Variants in MAP3K8 observed in about 807,000 individuals in gnomAD.
The protein encoded by MAP3K8 is Ewing sarcoma transformant.
A neutral mutation model predicts 45.8 loss-of-function variants in MAP3K8; 22 were observed. The ratio of observed to expected loss-of-function variants is 0.48; its 90% CI spans 0.34 to 0.69. The LOEUF (loss-of-function observed/expected upper bound fraction) is 0.69. MAP3K8 is among the 30% of genes least tolerant of loss of function. The probability of loss-of-function intolerance (pLI) is 0.01; values close to 1 mark genes in which losing one functional copy is unlikely to be tolerated. For synonymous variants in MAP3K8, 223 were observed against 214.3 expected (o/e 1.04, Z -0.36); for missense variants, 419 against 585.0 (o/e 0.72, Z 2.93).
chr10:30,445,478 C>G (rs1001676378), intron 3 of MAP3K8, among the ~76,000 whole-genome samples: 2 of 152,162 alleles, frequency 1.3e-5, no homozygotes, highest in Non-Finnish European at 2.9e-5. Context: ...GTAAAACTTT[C>G]ATGAAGATGA....
intron 1 of MAP3K8, among the ~76,000 whole-genome samples, 160 bp from the exon 2 acceptor site, chr10:30,437,016 C>T (rs8176961): frequency 0.018 from 2,694 of 152,054 alleles, 79 homozygotes; most frequent in African/African-American, 0.061. Flanking sequence ...CCTAACTCAG[C>T]AGACTCCAAG....
rs192447760 is a variant in MAP3K8, at chr10:30,446,512, G to A, written c.337-1270G>A. On this transcript the variant is annotated intron_variant, in intron 3 of 8. Coordinates refer to ENST00000263056, the MANE Select transcript of MAP3K8 (RefSeq NM_005204.4). ...ATCGTGCCATTGCACTCCAGCCTAG[G>A]CAACAGAGCAAGACTCCATCTCAAA... Among the ~76,000 whole-genome samples, 317 of 147,608 alleles carry A rather than the reference G, an allele frequency of 2.1e-3. 1 individual carries two copies. Among genetic ancestry groups the A allele is most frequent in the African/African-American group, 7.5e-3 (294 of 39,376 alleles).
chr10:30,441,969 A>G (rs8176980), intron 3 of MAP3K8, among the ~76,000 whole-genome samples: 2,492 of 152,290 alleles, frequency 0.016, 71 homozygotes, highest in African/African-American at 0.056. Flanking sequence ...TCTAACTCTC[A>G]GCTTTAGGAA....
At chr10:30,447,716 G>T in intron 3 of MAP3K8, 66 bp from the exon 4 acceptor site, 1 of 1,205,712 alleles carries the variant, frequency 8.3e-7, no homozygotes, top group Non-Finnish European at 1.2e-6. Context: ...CTTCCTAATA[G>T]GTGGGTCTTA....
chr10:30,447,468 C>T (rs1414794903), intron 3 of MAP3K8, among the ~76,000 whole-genome samples: 1 of 152,206 alleles, frequency 6.6e-6, no homozygotes, highest in Non-Finnish European at 1.5e-5. Context: ...TCTTTATTTT[C>T]AGCCTTTTGG....
At chr10:30,437,090 T>C in intron 1 of MAP3K8, 86 bp from the exon 2 acceptor site, 1 of 769,144 alleles carries the variant, frequency 1.3e-6, no homozygotes, top group Non-Finnish European at 1.6e-6. Context: ...GCCCCCTCAC[T>C]CTAGATTTCA....
At chr10:30,434,629 AT>A in intron 1 of MAP3K8, 1 of 985,864 alleles carries the variant, frequency 1.0e-6, no homozygotes. Flanking sequence ...TCCTTCCCGT[AT>A]CCGCAGCGCC....
At chr10:30,437,151 T>C (rs1490975824) in intron 1 of MAP3K8, 25 bp from the exon 2 acceptor site, 9 of 985,000 alleles carry the variant, frequency 9.1e-6, no homozygotes, top group Non-Finnish European at 1.1e-5. Context: ...GCCTTTTTTT[T>C]CTCTCTCTTT....
chr10:30,458,239 A>G lies in MAP3K8; in HGVS notation c.1026+3A>G. 1 of 966,376 alleles carries G rather than the reference A, an allele frequency of 1.0e-6. No individual in the cohort carries two copies. Among genetic ancestry groups the G allele is most frequent in the Non-Finnish European group, 1.5e-6 (1 of 683,890 alleles). 59.9% of individuals were successfully genotyped at this position (966,376 alleles called of 1,614,324 possible). On this transcript the variant is annotated splice_donor_region_variant and intron_variant, in intron 7 of 8. Coordinates refer to ENST00000263056, the MANE Select transcript of MAP3K8 (RefSeq NM_005204.4). ...CCTATCCCTCCTACCTGTACATAGT[A>G]AGTGGGGTTCAACCAGGGCTGGGGG...
At chr10:30,453,051 A>G (rs1836606473) in intron 6 of MAP3K8, among the ~76,000 whole-genome samples, 1 of 152,162 alleles carries the variant, frequency 6.6e-6, no homozygotes, top group Non-Finnish European at 1.5e-5. Flanking sequence ...AAAAAGCAGT[A>G]TGTTATTTAA....
chr10:30,439,207 A>G lies in MAP3K8; in HGVS notation c.269A>G (p.His90Arg). The stretch of plus-strand genomic sequence containing the variant: ...GAGGATTTGCTTGCTTTTGCAAACC[A>G]TATATCCAACACTGCAAAGCATTTT... ...TVEDLLAFAN[H>R]ISNTAKHFYG... The change falls in exon 3 of 9, where the codon CAT (histidine) becomes CGT (arginine). Residue 90 changes from histidine (H) to arginine (R), a missense_variant. Coordinates refer to ENST00000263056, the MANE Select transcript of MAP3K8 (RefSeq NM_005204.4). 2 of 1,614,240 alleles carry G rather than the reference A, an allele frequency of 1.2e-6. No individual in the cohort carries two copies. The highest frequency in any genetic ancestry group is 1.7e-5 in the Admixed American group (1 of 60,030).
At chr10:30,445,422 AAAAC>A (rs1358546142) in intron 3 of MAP3K8, among the ~76,000 whole-genome samples, 4 of 152,218 alleles carry the variant, frequency 2.6e-5, no homozygotes, top group Admixed American at 6.5e-5. Flanking sequence ...AATAAAAACA[AAAAC>A]AAACAAAAAA....
intron 4 of MAP3K8, among the ~76,000 whole-genome samples, 176 bp from the exon 5 acceptor site, chr10:30,450,082 T>C (rs1017159697): frequency 4.6e-5 from 7 of 152,240 alleles, no homozygotes; most frequent in Non-Finnish European, 8.8e-5. Flanking sequence ...CTGACTAACA[T>C]AGTTAAAGGC....
In MAP3K8 at chr10:30,461,790, T is replaced by G; in HGVS notation, c.*954T>G. 5.5e-6 allele frequency: 1 copy of G among 182,336 alleles called. No individual in the cohort carries two copies. Among genetic ancestry groups the G allele is most frequent in the Admixed American group, 6.2e-5 (1 of 16,018 alleles). The allele number at this position is 182,336 out of a possible 1,614,324, so 11.3% of individuals were successfully genotyped here. ...AATAAAACCCAATACTTTTGTCCAA[T>G]GTGGTTGGTCAAATCAACTGAATAA... On this transcript the variant is annotated 3_prime_UTR_variant, in exon 9 of 9. Transcript: ENST00000263056.
In MAP3K8 at chr10:30,456,563, G is replaced by A. The variant is rs921278774; in HGVS notation, c.874-1521G>A. On this transcript the variant is annotated intron_variant, in intron 6 of 8. Coordinates refer to ENST00000263056, the MANE Select transcript of MAP3K8 (RefSeq NM_005204.4). Reference sequence around the variant, plus strand: ...TGACCTCCATTCTCTTATTCACATGGCAGACAGTGTACAAGCTGTTTCAAG... The same window carrying A: ...TGACCTCCATTCTCTTATTCACATGACAGACAGTGTACAAGCTGTTTCAAG... Among the ~76,000 whole-genome samples the A allele has an allele frequency of 2.0e-5, 3 of 152,186 alleles. No homozygotes were observed. In the East Asian group the frequency reaches 5.8e-4, roughly 29 times the overall value.
intron 3 of MAP3K8, among the ~76,000 whole-genome samples, chr10:30,439,802 C>T (rs1447183268): frequency 6.6e-6 from 1 of 152,210 alleles, no homozygotes; most frequent in African/African-American, 2.4e-5. Context: ...GAGTGAGACT[C>T]TGTCTCAACA....
At chr10:30,459,525 G>C (rs367715766) in intron 8 of MAP3K8, 24 bp downstream of exon 8, 4 of 1,610,814 alleles carry the variant, frequency 2.5e-6, no homozygotes, top group Non-Finnish European at 3.4e-6. Flanking sequence ...GCTGTGTGCC[G>C]CACACTTACT....
At chr10:30,442,787 ATATC>A (rs906927340) in intron 3 of MAP3K8, among the ~76,000 whole-genome samples, 1 of 151,974 alleles carries the variant, frequency 6.6e-6, no homozygotes, top group Non-Finnish European at 1.5e-5. Context: ...TTACAACTTT[ATATC>A]TATAAGTGTG....
chr10:30,439,831 TTTTAA>T, intron 3 of MAP3K8, among the ~76,000 whole-genome samples: 1 of 152,212 alleles, frequency 6.6e-6, no homozygotes, highest in South Asian at 2.1e-4. Flanking sequence ...GAAGAATGTA[TTTTAA>T]TTTAACAGTT....
Sources: gnomAD v4.1 joint callset for allele counts (sites outside exome capture counted in the v4.1 genomes callset) on GRCh38, gnomAD v4.1.1 for gene constraint, MANE v1.5 for transcripts, NCBI Gene and HGNC (gene_info 2026-07-23, HGNC 2026-07-21) for gene names.